The following CERS3 variants were observed in gnomAD, a reference collection of about 807,000 sequenced individuals.
CERS3 encodes ceramide synthase 3.
Under a neutral mutation model 50.3 loss-of-function variants are expected in CERS3, and 33 were observed. That is an observed-to-expected ratio of 0.66 (90% CI 0.50 to 0.88). CERS3 has a LOEUF of 0.88. CERS3 is among the 40% of genes least tolerant of loss of function. The pLI, the probability that CERS3 is intolerant of heterozygous loss-of-function variation, is 0.00. For synonymous variants in CERS3, 176 were observed against 155.2 expected (o/e 1.13, Z -0.99); for missense variants, 470 against 460.3 (o/e 1.02, Z -0.19).
intron 5 of CERS3, among the ~76,000 whole-genome samples, chr15:100,481,051 T>C (rs2035284732): frequency 1.3e-5 from 2 of 152,356 alleles, no homozygotes; most frequent in South Asian, 4.1e-4. Context: ...AATATTAAAA[T>C]AAGATGTTTT....
chr15:100,425,641 C>A (rs1157892635), intron 11 of CERS3, among the ~76,000 whole-genome samples: 2 of 152,116 alleles, frequency 1.3e-5, no homozygotes, highest in African/African-American at 4.8e-5. Flanking sequence ...GCAGAAGAGA[C>A]TAGCTTGTTT....
At chr15:100,473,286 A>G (rs2035025957) in intron 8 of CERS3, among the ~76,000 whole-genome samples, 1 of 152,198 alleles carries the variant, frequency 6.6e-6, no homozygotes, top group African/African-American at 2.4e-5. Context: ...ATATGTGTAC[A>G]CACACACTGC....
chr15:100,479,935 G>T, intron 6 of CERS3, 54 bp downstream of exon 6: 1 of 1,369,184 alleles, frequency 7.3e-7, no homozygotes, highest in Non-Finnish European at 1.0e-6. Flanking sequence ...TCACAGACAA[G>T]AATTTCAAAA....
intron 8 of CERS3, 145 bp from the exon 9 acceptor site, chr15:100,473,197 A>G: frequency 2.4e-6 from 2 of 843,760 alleles, no homozygotes; most frequent in Non-Finnish European, 3.6e-6. Flanking sequence ...CCTAAACACA[A>G]TCTTTGTGAG....
intron 3 of CERS3, among the ~76,000 whole-genome samples, chr15:100,497,878 CACACACACACACACACACTT>C (rs1183318905): frequency 6.1e-5 from 5 of 82,216 alleles, no homozygotes; most frequent in East Asian, 6.3e-4. Flanking sequence ...CACACACACA[CACACACACACACACACACTT>C]TTTTTTTTTT....
chr15:100,523,365 C>A (rs1211445942), intron 1 of CERS3, among the ~76,000 whole-genome samples: 1 of 152,028 alleles, frequency 6.6e-6, no homozygotes, highest in South Asian at 2.1e-4. Context: ...TTAACATAAC[C>A]AATTTACAGA....
intron 5 of CERS3, among the ~76,000 whole-genome samples, chr15:100,482,772 T>C (rs2035352365): frequency 6.6e-6 from 1 of 152,038 alleles, no homozygotes. Flanking sequence ...TGTTGGAAAG[T>C]AATTTTAGGA....
intron 11 of CERS3, among the ~76,000 whole-genome samples, chr15:100,445,428 C>A (rs148211443): frequency 0.035 from 5,268 of 152,302 alleles, 123 homozygotes; most frequent in Admixed American, 0.068. Flanking sequence ...CAAGGCTATG[C>A]TGCACCTCCT....
At chr15:100,419,524 GA>G (rs1231184504) in intron 11 of CERS3, among the ~76,000 whole-genome samples, 1 of 135,382 alleles carries the variant, frequency 7.4e-6, no homozygotes, top group African/African-American at 2.8e-5. Context: ...ACAGATCAAC[GA>G]GACAGAAAGT....
At chr15:100,478,816 G>A (rs1353577532) in intron 7 of CERS3, among the ~76,000 whole-genome samples, 2 of 152,150 alleles carry the variant, frequency 1.3e-5, no homozygotes, top group Admixed American at 1.3e-4. Context: ...CAGACAGGAG[G>A]ATAATAATCC....
chr15:100,414,340 A>C (rs1044308315), intron 11 of CERS3, among the ~76,000 whole-genome samples: 14 of 152,234 alleles, frequency 9.2e-5, no homozygotes, highest in Admixed American at 3.3e-4. Context: ...TACCATGAAA[A>C]TGGCCATACT....
At chr15:100,518,395 A>T (rs551675484) in intron 2 of CERS3, among the ~76,000 whole-genome samples, 1 of 152,192 alleles carries the variant, frequency 6.6e-6, no homozygotes, top group Non-Finnish European at 1.5e-5. Context: ...TGCCTGGAAC[A>T]TTAGAGAATA....
chr15:100,484,581 G>C lies in CERS3; in HGVS notation c.376C>G (p.Pro126Ala). The change falls in exon 5 of 12, where the codon CCT becomes GCT. Residue 126 changes from proline to alanine, a missense_variant. Coordinates refer to ENST00000679737, the MANE Select transcript of CERS3 (RefSeq NM_001378789.1). ...TCCTGGAATTTCTTCAGCCTGGAAG[G>C]CCTCTCTTGATTCCGCCGACTCCTA... ...WFRSRRNQER[P>A]SRLKKFQEAC... The C allele has an allele frequency of 1.2e-6, 2 of 1,613,832 alleles. No homozygotes were observed. Among genetic ancestry groups the C allele is most frequent in the South Asian group, 1.1e-5 (1 of 91,068 alleles).
At chr15:100,421,253 AT>A (rs1222294661) in intron 11 of CERS3, among the ~76,000 whole-genome samples, 6 of 149,618 alleles carry the variant, frequency 4.0e-5, no homozygotes, top group Non-Finnish European at 9.0e-5. Context: ...TACAAAATCA[AT>A]GTACAAAAAT....
In CERS3 at chr15:100,456,014, T is replaced by C. The variant is rs535341563; in HGVS notation, c.878A>G (p.Tyr293Cys). ...GTATGAAAAGAAAGGCTCGAGGTGA[T>C]ACATAGGCAAGATCAGCGTGCAATA... ...ILYCTLILPM[Y>C]HLEPFFSYIF... Residue 293 changes from tyrosine to cysteine, a missense_variant, in exon 11 of 12, where the codon TAT becomes TGT. Transcript: ENST00000679737. 1.2e-6 allele frequency: 2 copies of C among 1,612,392 alleles called. No homozygotes were observed. The highest frequency in any genetic ancestry group is 2.2e-5 in the South Asian group (2 of 90,894).
At chr15:100,457,340 C>T (rs891455707) in intron 10 of CERS3, among the ~76,000 whole-genome samples, 1 of 152,174 alleles carries the variant, frequency 6.6e-6, no homozygotes, top group Non-Finnish European at 1.5e-5. Context: ...CCCTTTATTG[C>T]CACACCCTCC....
intron 1 of CERS3, among the ~76,000 whole-genome samples, chr15:100,534,409 A>G (rs991377917): frequency 1.3e-5 from 2 of 152,050 alleles, no homozygotes; most frequent in Admixed American, 1.3e-4. Context: ...AGCACTTAGA[A>G]CAATACCTGG....
chr15:100,475,764 T>G (rs1385334311), intron 8 of CERS3: 1 of 156,216 alleles, frequency 6.4e-6, no homozygotes, highest in Non-Finnish European at 1.4e-5. Context: ...GGTTGTAGAA[T>G]TAATACTACT....
intron 11 of CERS3, among the ~76,000 whole-genome samples, chr15:100,438,773 G>A (rs1236258724): frequency 5.9e-5 from 9 of 152,334 alleles, no homozygotes; most frequent in South Asian, 2.1e-4. Context: ...GCTGGCTTTT[G>A]TGTCTGCATG....
Sources: allele counts gnomAD v4.1 joint callset (sites outside exome capture counted in the v4.1 genomes callset), GRCh38; gene constraint gnomAD v4.1.1; transcripts MANE v1.5; gene names NCBI Gene and HGNC (gene_info 2026-07-23, HGNC 2026-07-21).